The following DPP10 variants were observed in gnomAD, a reference collection of about 807,000 sequenced individuals.
DPP10 encodes dipeptidyl peptidase like 10.
A neutral mutation model predicts 120.9 loss-of-function variants in DPP10; 33 were observed. The observed-to-expected ratio is 0.27, with a 90% CI of 0.21 to 0.37. DPP10 has a LOEUF of 0.37. Among genes scored for constraint, DPP10 ranks in the 10% least tolerant of loss-of-function variants. The pLI is 1.00. For synonymous variants in DPP10, 337 were observed against 326.1 expected, an observed-to-expected ratio of 1.03 and a Z score of -0.36; for missense variants, 816 against 942.8, an observed-to-expected ratio of 0.87 and a Z score of 1.76.
intron 15 of DPP10, among the ~76,000 whole-genome samples, chr2:115,779,688 C>T (rs1682519559): frequency 1.3e-5 from 2 of 151,782 alleles, no homozygotes; most frequent in Admixed American, 1.3e-4. Flanking sequence ...GAAAATTGTA[C>T]AATGTTGTGA....
chr2:115,143,831 C>T (rs1024624047), intron 1 of DPP10, among the ~76,000 whole-genome samples: 3 of 152,192 alleles, frequency 2.0e-5, no homozygotes, highest in Non-Finnish European at 4.4e-5. Flanking sequence ...TATCCCAGTA[C>T]CAGCAGAAGA....
intron 7 of DPP10, among the ~76,000 whole-genome samples, chr2:115,690,283 TCAG>T (rs2091242274): frequency 6.6e-6 from 1 of 152,178 alleles, no homozygotes; most frequent in African/African-American, 2.4e-5. Flanking sequence ...AAAGCATTGT[TCAG>T]GGTAAAAATT....
intron 1 of DPP10, among the ~76,000 whole-genome samples, chr2:114,785,822 A>C (rs1328385045): frequency 6.6e-6 from 1 of 152,228 alleles, no homozygotes; most frequent in Non-Finnish European, 1.5e-5. Context: ...ATTCCACGTT[A>C]ACCTGTAAAA....
At chr2:115,714,960 C>T (rs1475322332) in intron 7 of DPP10, among the ~76,000 whole-genome samples, 1 of 141,630 alleles carries the variant, frequency 7.1e-6, no homozygotes, top group Non-Finnish European at 1.5e-5. Flanking sequence ...ACCTGGGAGG[C>T]AGAGGTAGGA....
chr2:114,490,492 G>T lies in DPP10; in HGVS notation c.60+47654G>T, dbSNP rs898474060. On this transcript the variant is annotated intron_variant, in intron 1 of 25. Transcript: ENST00000410059. ...AGGCAGGTAAAGGGCCCTTGAGAGG[G>T]CTCCCTCACGAGCTCCACACCTGTA... 1.5e-4 allele frequency among the ~76,000 whole-genome samples: 23 copies of T among 152,200 alleles called. No individual in the cohort carries two copies. The Middle Eastern group carries it at 0.01, about 68-fold the overall frequency.
chr2:115,354,300 T>C (rs2064224033), intron 3 of DPP10, among the ~76,000 whole-genome samples: 1 of 152,084 alleles, frequency 6.6e-6, no homozygotes, highest in Non-Finnish European at 1.5e-5. Context: ...ACCCAACAGA[T>C]AGTTTTTCAA....
intron 1 of DPP10, among the ~76,000 whole-genome samples, chr2:115,285,358 T>G (rs1054375341): frequency 5.3e-5 from 8 of 151,988 alleles, no homozygotes; most frequent in African/African-American, 1.9e-4. Flanking sequence ...TCACCACATA[T>G]CCAAAGGCCG....
At position 115,792,477 on chromosome 2, in the gene DPP10, T is replaced by C. The variant is rs147183047; in HGVS notation, c.1700+1121T>C. ...TATAATATTTAATTTTCTCTCTCAC[T>C]CTAGTGTTCATTTCTAATTCTAATT... On this transcript the variant is annotated intron_variant, in intron 19 of 25. Coordinates refer to ENST00000410059, the MANE Select transcript of DPP10 (RefSeq NM_020868.6). Among the ~76,000 whole-genome samples, 202 of 152,198 alleles carry C rather than the reference T, an allele frequency of 1.3e-3. 1 individual carries two copies. The highest frequency in any genetic ancestry group is 4.8e-3 in the African/African-American group (198 of 41,564).
At chr2:114,990,713 T>C (rs1234696355) in intron 1 of DPP10, among the ~76,000 whole-genome samples, 1 of 152,216 alleles carries the variant, frequency 6.6e-6, no homozygotes, top group Non-Finnish European at 1.5e-5. Context: ...CGTGGTGTCT[T>C]TATGGTGATA....
At chr2:115,357,831 G>C (rs2064502050) in intron 3 of DPP10, among the ~76,000 whole-genome samples, 2 of 152,086 alleles carry the variant, frequency 1.3e-5, no homozygotes, top group Non-Finnish European at 2.9e-5. Flanking sequence ...TTTGTTTTCT[G>C]TGCACCCATA....
chr2:114,905,310 G>A (rs1693876820), intron 1 of DPP10, among the ~76,000 whole-genome samples: 1 of 151,936 alleles, frequency 6.6e-6, no homozygotes, highest in African/African-American at 2.4e-5. Flanking sequence ...ATCTTGATCT[G>A]TTAGTATAAG....
chr2:115,159,745 C>A (rs1267531071), intron 1 of DPP10, among the ~76,000 whole-genome samples: 1 of 152,180 alleles, frequency 6.6e-6, no homozygotes. Context: ...CACACACAGA[C>A]CCCCACAATA....
At chr2:114,602,294 T>A (rs1465322979) in intron 1 of DPP10, among the ~76,000 whole-genome samples, 1 of 151,490 alleles carries the variant, frequency 6.6e-6, no homozygotes, top group African/African-American at 2.4e-5. Context: ...TCAATTCTAT[T>A]CCTGTATGTA....
chr2:115,220,849 A>G (rs1234407061), intron 1 of DPP10, among the ~76,000 whole-genome samples: 2 of 151,580 alleles, frequency 1.3e-5, no homozygotes, highest in Admixed American at 6.6e-5. Context: ...TTTACTTTTA[A>G]TTATCATATA....
At chr2:115,329,643 G>A (rs12996119) in intron 2 of DPP10, among the ~76,000 whole-genome samples, 5,583 of 152,026 alleles carry the variant, frequency 0.037, 133 homozygotes, top group South Asian at 0.08. Flanking sequence ...GTGTCCAAGC[G>A]TTTTCATTGT....
chr2:115,226,273 T>A (rs1484489838), intron 1 of DPP10, among the ~76,000 whole-genome samples: 1 of 152,160 alleles, frequency 6.6e-6, no homozygotes, highest in Non-Finnish European at 1.5e-5. Context: ...TTAAGAAACT[T>A]AATTACCTAT....
chr2:114,549,200 C>T (rs575717682), intron 1 of DPP10, among the ~76,000 whole-genome samples: 2 of 151,910 alleles, frequency 1.3e-5, no homozygotes, highest in African/African-American at 4.8e-5. Flanking sequence ...CATGCACTCA[C>T]TGGCTTCTTT....
intron 1 of DPP10, among the ~76,000 whole-genome samples, chr2:115,037,227 T>C (rs1047273381): frequency 2.0e-5 from 3 of 152,204 alleles, no homozygotes; most frequent in Non-Finnish European, 4.4e-5. Flanking sequence ...ATACTGCTAT[T>C]TACCCATAAT....
intron 3 of DPP10, among the ~76,000 whole-genome samples, chr2:115,473,052 G>A (rs2105194416): frequency 6.6e-6 from 1 of 152,204 alleles, no homozygotes; most frequent in Admixed American, 6.5e-5. Flanking sequence ...AAACCACATG[G>A]CAATATAATA....
Sources: gnomAD v4.1 joint callset for allele counts (sites outside exome capture counted in the v4.1 genomes callset) on GRCh38, gnomAD v4.1.1 for gene constraint, MANE v1.5 for transcripts, NCBI Gene and HGNC (gene_info 2026-07-23, HGNC 2026-07-21) for gene names.